TAF3: variants seen among roughly 807,000 people sequenced by gnomAD.
TAF3 encodes the protein TATA-box binding protein associated factor 3.
A neutral mutation model predicts 80.6 loss-of-function variants in TAF3; 7 were observed. The observed-to-expected ratio is 0.09, with a 90% CI of 0.05 to 0.16. The LOEUF (loss-of-function observed/expected upper bound fraction) is 0.16, where lower values mean the gene tolerates loss of function less well. TAF3 is among the 10% of genes least tolerant of loss of function. The pLI is 1.00. For missense variants in TAF3, 921 were observed against 1,140.2 expected, an observed-to-expected ratio of 0.81 and a Z score of 2.77; for synonymous variants, 444 against 446.1, an observed-to-expected ratio of 1.00 and a Z score of 0.06.
chr10:7,823,785 C>T (rs1455152370), intron 1 of TAF3, among the ~76,000 whole-genome samples: 1 of 152,126 alleles, frequency 6.6e-6, no homozygotes, highest in Non-Finnish European at 1.5e-5. Flanking sequence ...CAGGCCTGCG[C>T]CACCACGCCC....
intron 2 of TAF3, among the ~76,000 whole-genome samples, chr10:7,947,359 A>G (rs201498412): frequency 9.0e-6 from 1 of 110,576 alleles, no homozygotes; most frequent in African/African-American, 2.9e-5. Context: ...CGCTGTTTAG[A>G]CTCTGGGAAT....
chr10:7,879,256 A>G (rs898944048), intron 2 of TAF3, among the ~76,000 whole-genome samples: 3 of 152,176 alleles, frequency 2.0e-5, no homozygotes, highest in Admixed American at 6.6e-5. Context: ...TACTTTCACC[A>G]ATTATAGTTA....
chr10:7,926,454 C>A (rs950589408), intron 2 of TAF3, among the ~76,000 whole-genome samples: 24 of 152,068 alleles, frequency 1.6e-4, no homozygotes, highest in African/African-American at 5.8e-4. Flanking sequence ...TTACCAGGTC[C>A]ATATAGTATA....
chr10:7,940,658 A>G (rs1355282860), intron 2 of TAF3, among the ~76,000 whole-genome samples: 1 of 152,232 alleles, frequency 6.6e-6, no homozygotes, highest in African/African-American at 2.4e-5. Context: ...CATTCCAGTT[A>G]AGAAATAACA....
intron 2 of TAF3, among the ~76,000 whole-genome samples, chr10:7,903,197 G>C (rs1837576449): frequency 6.6e-6 from 1 of 152,114 alleles, no homozygotes; most frequent in Non-Finnish European, 1.5e-5. Flanking sequence ...TCTCAGCCTG[G>C]GCAACAGAGC....
chr10:8,011,155 C>A (rs1353805300), intron 5 of TAF3, among the ~76,000 whole-genome samples: 1 of 152,182 alleles, frequency 6.6e-6, no homozygotes, highest in Non-Finnish European at 1.5e-5. Flanking sequence ...GTGGCCCTGA[C>A]CTTGTAACTA....
intron 2 of TAF3, among the ~76,000 whole-genome samples, chr10:7,825,983 A>G (rs1448769034): frequency 4.6e-5 from 7 of 152,164 alleles, no homozygotes; most frequent in African/African-American, 1.2e-4. Context: ...AAGGGTTCCA[A>G]TTTCTTGCAA....
chr10:7,919,578 G>A (rs1308616290), intron 2 of TAF3, among the ~76,000 whole-genome samples: 1 of 152,006 alleles, frequency 6.6e-6, no homozygotes, highest in Admixed American at 6.6e-5. Flanking sequence ...ATGGAGCATT[G>A]GTTCCAGGAC....
intron 2 of TAF3, among the ~76,000 whole-genome samples, chr10:7,860,660 C>A (rs978793782): frequency 1.3e-5 from 2 of 152,120 alleles, no homozygotes; most frequent in Admixed American, 6.5e-5. Flanking sequence ...ACAAAAGGTA[C>A]CAATTAAATT....
intron 4 of TAF3, among the ~76,000 whole-genome samples, chr10:7,997,403 G>A (rs1831900046): frequency 1.3e-5 from 2 of 152,236 alleles, no homozygotes; most frequent in South Asian, 2.1e-4. Context: ...TTCTTGTGCA[G>A]ACATATCCAA....
intron 4 of TAF3, among the ~76,000 whole-genome samples, chr10:7,977,590 T>TTTAA (rs1831686572): frequency 6.6e-6 from 1 of 152,224 alleles, no homozygotes; most frequent in African/African-American, 2.4e-5. Context: ...CTGCATAGTC[T>TTTAA]TTAAGGTCCC....
At chr10:7,858,640 T>G (rs1229221171) in intron 2 of TAF3, among the ~76,000 whole-genome samples, 3 of 152,230 alleles carry the variant, frequency 2.0e-5, no homozygotes, top group Non-Finnish European at 4.4e-5. Flanking sequence ...TGTCAATATA[T>G]CTACTGTTAA....
chr10:7,911,618 A>G (rs915094073), intron 2 of TAF3, among the ~76,000 whole-genome samples: 4 of 152,222 alleles, frequency 2.6e-5, no homozygotes, highest in African/African-American at 9.6e-5. Flanking sequence ...CAGAGGTTGC[A>G]AAGGAGGTGG....
At chr10:7,822,558 C>G (rs143237663) in intron 1 of TAF3, among the ~76,000 whole-genome samples, 3 of 152,200 alleles carry the variant, frequency 2.0e-5, no homozygotes, top group African/African-American at 7.2e-5. Context: ...CCACAGCCCT[C>G]GCCTCTACTG....
chr10:7,914,056 A>G (rs372092838), intron 2 of TAF3, among the ~76,000 whole-genome samples: 1 of 152,200 alleles, frequency 6.6e-6, no homozygotes, highest in Non-Finnish European at 1.5e-5. Flanking sequence ...TCTTTTAGAT[A>G]CCGATTCAAA....
chr10:7,995,152 C>T (rs1240831567), intron 4 of TAF3, among the ~76,000 whole-genome samples: 1 of 151,780 alleles, frequency 6.6e-6, no homozygotes, highest in East Asian at 1.9e-4. Flanking sequence ...TCAGCATTTG[C>T]TCTTAAAATA....
At chr10:7,876,768 A>G (rs980101420) in intron 2 of TAF3, among the ~76,000 whole-genome samples, 3 of 152,286 alleles carry the variant, frequency 2.0e-5, no homozygotes, top group Admixed American at 1.3e-4. Context: ...TGAAGTTGTC[A>G]TCTGTGCTTT....
chr10:7,871,531 C>T (rs995930864), intron 2 of TAF3, among the ~76,000 whole-genome samples: 7 of 145,114 alleles, frequency 4.8e-5, no homozygotes, highest in African/African-American at 1.8e-4. Context: ...GCAATCTCCG[C>T]CTCCCAGGTT....
intron 4 of TAF3, among the ~76,000 whole-genome samples, chr10:7,998,053 T>C (rs899660537): frequency 3.3e-5 from 5 of 151,820 alleles, no homozygotes; most frequent in African/African-American, 1.2e-4. Context: ...TTAGCTTAAG[T>C]CAAACTTTCA....
Sources: allele counts gnomAD v4.1 joint callset (sites outside exome capture counted in the v4.1 genomes callset), GRCh38; gene constraint gnomAD v4.1.1; transcripts MANE v1.5; gene names NCBI Gene and HGNC (gene_info 2026-07-23, HGNC 2026-07-21).